ZBBX: variants seen among roughly 807,000 people sequenced by gnomAD.
ZBBX encodes the protein zinc finger B-box domain containing, also known as zinc finger B-box domain-containing protein 1.
In ZBBX, 101 loss-of-function variants were observed where a neutral mutation model predicts 108.5. The ratio of observed to expected loss-of-function variants is 0.93; its 90% CI spans 0.79 to 1.10. The LOEUF (loss-of-function observed/expected upper bound fraction) is 1.10. Ranked by LOEUF, ZBBX falls within the 50% of genes least tolerant of loss-of-function variation. The probability of loss-of-function intolerance (pLI) is 0.00; values close to 1 mark genes in which losing one functional copy is unlikely to be tolerated. For missense variants in ZBBX, 1,009 were observed against 941.4 expected (o/e 1.07, Z -0.94); for synonymous variants, 356 against 323.4 (o/e 1.10, Z -1.08).
chr3:167,280,998 G>T (rs956628330), intron 20 of ZBBX, among the ~76,000 whole-genome samples: 10 of 152,130 alleles, frequency 6.6e-5, no homozygotes, highest in African/African-American at 2.2e-4. Context: ...GTAAACTATT[G>T]CAAGAACAAA....
In ZBBX at chr3:167,368,459, ACTCT is replaced by A. The variant is rs749813524; in HGVS notation, c.180_182+1del. 4.4e-6 allele frequency: 7 copies of A among 1,601,024 alleles called. No individual in the cohort carries two copies. In the Admixed American group the frequency reaches 5.0e-5, roughly 11 times the overall value. ...CTAAAATTCTCTAAGAGTTTCACTC[ACTCT>A]CTATCTTCCTTTTCTTTGTTTCTTG... is the stretch of plus-strand genomic sequence containing the variant. On this transcript the variant is annotated splice_donor_variant and coding_sequence_variant, in exon 5 of 22. Coordinates refer to ENST00000675490, the MANE Select transcript of ZBBX (RefSeq NM_001199201.2). LOFTEE classifies it high-confidence loss of function.
rs1315691670 is a variant in ZBBX, at chr3:167,315,842, A to G, written c.1195-13T>C. 6.7e-7 allele frequency: 1 copy of G among 1,495,724 alleles called. No homozygotes were observed. Among genetic ancestry groups the G allele is most frequent in the Non-Finnish European group, 9.2e-7 (1 of 1,091,064 alleles). The allele number at this position is 1,495,724 out of a possible 1,614,324, so 92.7% of individuals were successfully genotyped here. ...CCTCTTCATAAGTCTTATTAAATTA[A>G]TGTTATATAATATTAGTAAGTTCAT... On this transcript the variant is annotated splice_polypyrimidine_tract_variant and intron_variant, in intron 14 of 21. Coordinates refer to ENST00000675490, the MANE Select transcript of ZBBX (RefSeq NM_001199201.2).
the ZBBX span, among the ~76,000 whole-genome samples, chr3:167,178,493 G>A: frequency 2.0e-5 from 3 of 152,042 alleles, no homozygotes; most frequent in Non-Finnish European, 2.9e-5. Flanking sequence ...TGTGTTCGAC[G>A]GGTGTTGCTC....
At chr3:167,281,469 CG>C (rs1728806180) in intron 20 of ZBBX, among the ~76,000 whole-genome samples, 1 of 152,084 alleles carries the variant, frequency 6.6e-6, no homozygotes, top group Non-Finnish European at 1.5e-5. Context: ...GGAAAAACAA[CG>C]GAAAAGCAAG....
At chr3:167,304,419 A>G (rs1733259263) in intron 17 of ZBBX, among the ~76,000 whole-genome samples, 1 of 152,142 alleles carries the variant, frequency 6.6e-6, no homozygotes, top group Admixed American at 6.5e-5. Context: ...TGCTATGATC[A>G]ATCGTTTTCT....
At chr3:167,230,726 G>A in the ZBBX span, among the ~76,000 whole-genome samples, 2 of 151,776 alleles carry the variant, frequency 1.3e-5, 1 homozygote, top group African/African-American at 4.8e-5. Flanking sequence ...GAGTTAGGCA[G>A]TGACCTGATC....
At chr3:167,323,579 G>A (rs1736850855) in intron 11 of ZBBX, among the ~76,000 whole-genome samples, 1 of 152,076 alleles carries the variant, frequency 6.6e-6, no homozygotes, top group African/African-American at 2.4e-5. Flanking sequence ...ACGGATTTAT[G>A]AGGCATGGCT....
chr3:167,334,764 A>G lies in ZBBX; in HGVS notation c.529-779T>C, dbSNP rs115783121. 5.0e-3 allele frequency among the ~76,000 whole-genome samples: 759 copies of G among 152,216 alleles called. 3 individuals carry two copies. Among genetic ancestry groups the G allele is most frequent in the African/African-American group, 0.018 (739 of 41,534 alleles). ...CGATATTTTGTGCACATCATAAATA[A>G]AGAACTAAATATAGCTAATCTAGTA... On this transcript the variant is annotated intron_variant, in intron 9 of 21. Coordinates refer to ENST00000675490, the MANE Select transcript of ZBBX (RefSeq NM_001199201.2).
At chr3:167,303,988 T>C (rs1393493244) in intron 17 of ZBBX, among the ~76,000 whole-genome samples, 1 of 152,220 alleles carries the variant, frequency 6.6e-6, no homozygotes, top group Non-Finnish European at 1.5e-5. Flanking sequence ...TCTCTCCTTA[T>C]TTGTATTTAA....
chr3:167,293,403 T>A (rs923164810), intron 18 of ZBBX, among the ~76,000 whole-genome samples: 3 of 152,152 alleles, frequency 2.0e-5, no homozygotes, highest in African/African-American at 7.2e-5. Context: ...CGCAAATCAA[T>A]AAATGTAATC....
chr3:167,205,614 A>G, the ZBBX span, among the ~76,000 whole-genome samples: 1 of 152,132 alleles, frequency 6.6e-6, no homozygotes, highest in Non-Finnish European at 1.5e-5. Context: ...AGCACTTTAG[A>G]TAGTTTTACT....
intron 1 of ZBBX, among the ~76,000 whole-genome samples, chr3:167,386,415 T>C (rs1326429334): frequency 3.3e-5 from 5 of 152,076 alleles, no homozygotes; most frequent in Non-Finnish European, 7.4e-5. Context: ...ACTTTCTTTA[T>C]AAGGAAACTC....
At chr3:167,325,415 C>T (rs183165242) in intron 11 of ZBBX, among the ~76,000 whole-genome samples, 120 of 152,182 alleles carry the variant, frequency 7.9e-4, no homozygotes, top group Middle Eastern at 3.4e-3. Context: ...TCTTGTGAGA[C>T]GTATTCACTA....
chr3:167,247,790 G>T (rs1028013845), intron 20 of ZBBX, among the ~76,000 whole-genome samples: 20 of 152,042 alleles, frequency 1.3e-4, no homozygotes, highest in Non-Finnish European at 1.6e-4. Context: ...TGGGAGCTCT[G>T]CCAGGATCCT....
At chr3:167,280,416 A>G (rs1357569675) in intron 20 of ZBBX, among the ~76,000 whole-genome samples, 3 of 151,412 alleles carry the variant, frequency 2.0e-5, no homozygotes, top group Non-Finnish European at 3.0e-5. Context: ...AGAAAAAAAC[A>G]AACAACCCCA....
At chr3:167,387,031 A>G (rs1747941851) in intron 1 of ZBBX, among the ~76,000 whole-genome samples, 1 of 152,026 alleles carries the variant, frequency 6.6e-6, no homozygotes, top group Non-Finnish European at 1.5e-5. Flanking sequence ...ACAATATTTC[A>G]AAAGATTTGT....
intron 9 of ZBBX, among the ~76,000 whole-genome samples, chr3:167,346,208 T>G (rs1331673789): frequency 2.3e-5 from 3 of 129,830 alleles, no homozygotes; most frequent in African/African-American, 8.7e-5. Flanking sequence ...ATTTTAATCC[T>G]TAATAATTGC....
At chr3:167,271,868 A>G (rs1267359217) in intron 20 of ZBBX, among the ~76,000 whole-genome samples, 1 of 152,200 alleles carries the variant, frequency 6.6e-6, no homozygotes, top group African/African-American at 2.4e-5. Flanking sequence ...TTCCCTTTTC[A>G]AATGCAACGG....
chr3:167,315,140 A>G (rs1735224936), intron 15 of ZBBX, among the ~76,000 whole-genome samples: 1 of 152,192 alleles, frequency 6.6e-6, no homozygotes, highest in Admixed American at 6.6e-5. Flanking sequence ...ATTCCACTCC[A>G]CTGTTTACAA....
Sources: allele counts gnomAD v4.1 joint callset (sites outside exome capture counted in the v4.1 genomes callset), GRCh38; gene constraint gnomAD v4.1.1; transcripts MANE v1.5; gene names NCBI Gene and HGNC (gene_info 2026-07-23, HGNC 2026-07-21).